WWOX: variants seen among roughly 807,000 people sequenced by gnomAD.
The protein encoded by WWOX is WW domain containing oxidoreductase.
A neutral mutation model predicts 46.2 loss-of-function variants in WWOX; 69 were observed. The ratio of observed to expected loss-of-function variants is 1.49; its 90% CI spans 1.23 to 1.82. WWOX has a LOEUF of 1.82. Ranked by LOEUF, WWOX falls within the 40% of genes most tolerant of loss-of-function variation. WWOX has a pLI of 0.00. For synonymous variants in WWOX, 359 were observed against 202.6 expected, an observed-to-expected ratio of 1.77 and a Z score of -6.56; for missense variants, 919 against 542.6, an observed-to-expected ratio of 1.69 and a Z score of -6.89.
chr16:78,491,054 T>C (rs2084773526), intron 8 of WWOX, among the ~76,000 whole-genome samples: 1 of 152,200 alleles, frequency 6.6e-6, no homozygotes, highest in Admixed American at 6.5e-5. Context: ...CAAAGTGAAC[T>C]GAGCTCACCA....
At chr16:78,902,402 T>G (rs936810342) in intron 8 of WWOX, among the ~76,000 whole-genome samples, 1 of 152,236 alleles carries the variant, frequency 6.6e-6, no homozygotes, top group African/African-American at 2.4e-5. Context: ...GGACGGTGAC[T>G]TTTTCTCTTG....
At chr16:78,138,621 A>G (rs2033880471) in intron 4 of WWOX, among the ~76,000 whole-genome samples, 1 of 152,186 alleles carries the variant, frequency 6.6e-6, no homozygotes, top group Non-Finnish European at 1.5e-5. Context: ...AGATTTTTTA[A>G]ATTCCTTATT....
intron 8 of WWOX, among the ~76,000 whole-genome samples, chr16:78,798,455 G>A (rs913913910): frequency 2.6e-5 from 4 of 152,056 alleles, no homozygotes; most frequent in Non-Finnish European, 4.4e-5. Flanking sequence ...TTAATATGCC[G>A]CTTTTTTGTT....
At chr16:78,603,184 T>G (rs561243331) in intron 8 of WWOX, among the ~76,000 whole-genome samples, 4 of 152,200 alleles carry the variant, frequency 2.6e-5, no homozygotes, top group Non-Finnish European at 4.4e-5. Flanking sequence ...TTCTAACAGC[T>G]TCTCTGCCAC....
In WWOX at chr16:79,156,060, C is replaced by T. The variant is rs536943508; in HGVS notation, c.1057-55548C>T. Among the ~76,000 whole-genome samples the T allele has an allele frequency of 4.6e-5, 7 of 152,170 alleles. No individual in the cohort carries two copies. In the South Asian group the frequency reaches 1.5e-3, roughly 32 times the overall value. On this transcript the variant is annotated intron_variant, in intron 8 of 8. Transcript: ENST00000566780. ...ATTTCCAGGAAATCAGACAGGTCAC[C>T]ACCACCTCTTCAACGACTGGAATTT...
At chr16:78,156,930 C>CA (rs1567603741) in intron 4 of WWOX, among the ~76,000 whole-genome samples, 1 of 152,132 alleles carries the variant, frequency 6.6e-6, no homozygotes, top group African/African-American at 2.4e-5. Flanking sequence ...GACTCTGTCT[C>CA]AGTCAGTCAA....
intron 5 of WWOX, among the ~76,000 whole-genome samples, chr16:78,193,951 C>G (rs1413390516): frequency 6.6e-6 from 1 of 151,320 alleles, no homozygotes; most frequent in Non-Finnish European, 1.5e-5. Context: ...GATCTCGGCT[C>G]ACTGCAAGCT....
intron 5 of WWOX, among the ~76,000 whole-genome samples, chr16:78,276,431 T>A (rs915645032): frequency 6.6e-6 from 1 of 152,210 alleles, no homozygotes; most frequent in African/African-American, 2.4e-5. Context: ...AGGCACTGTG[T>A]GTCCACAGCG....
intron 8 of WWOX, among the ~76,000 whole-genome samples, chr16:78,516,965 C>T (rs1365100144): frequency 6.6e-6 from 1 of 152,010 alleles, no homozygotes; most frequent in South Asian, 2.1e-4. Flanking sequence ...GTCTGTTTCC[C>T]GAGAAATCAT....
At chr16:79,111,544 A>G (rs1414072906) in intron 8 of WWOX, among the ~76,000 whole-genome samples, 2 of 152,124 alleles carry the variant, frequency 1.3e-5, no homozygotes, top group Non-Finnish European at 2.9e-5. Context: ...CACTTTTTTT[A>G]TGTACTCTTT....
chr16:79,168,830 C>T (rs1312614875), intron 8 of WWOX, among the ~76,000 whole-genome samples: 2 of 152,156 alleles, frequency 1.3e-5, no homozygotes, highest in Admixed American at 1.3e-4. Flanking sequence ...AATTCACTCT[C>T]TCCACACCTC....
chr16:78,103,969 G>A (rs78215159), intron 1 of WWOX, among the ~76,000 whole-genome samples: 2,162 of 152,136 alleles, frequency 0.014, 59 homozygotes, highest in African/African-American at 0.049. Flanking sequence ...GGGTGAGGTC[G>A]AGGTAGACCG....
rs752318131 is a variant in WWOX at position 79,106,582 on chromosome 16, A to ATTTTT, written c.1057-104997_1057-104993dup. The ATTTTT allele has an allele frequency of 2.5e-3, 199 of 79,516 alleles. 5 individuals carry two copies. Among genetic ancestry groups the ATTTTT allele is most frequent in the Non-Finnish European group, 3.5e-3 (153 of 44,100 alleles). The allele number at this position is 79,516 out of a possible 1,614,324, so 4.9% of individuals were successfully genotyped here. A position where few individuals can be genotyped will look rare whatever the true frequency, so the allele number is the denominator to read the frequency against. On this transcript the variant is annotated intron_variant, in intron 8 of 8. Transcript: ENST00000566780. ...CCTAAAATGACTCTTTCTTAAAATA[A>ATTTTT]TTTTTTTTTTTTTTTTTTTTTTTTT...
intron 8 of WWOX, among the ~76,000 whole-genome samples, chr16:78,854,510 T>C (rs926957887): frequency 1.3e-5 from 2 of 152,344 alleles, no homozygotes; most frequent in Non-Finnish European, 1.5e-5. Flanking sequence ...ATCCCTCAAA[T>C]TGTAACACCC....
chr16:78,555,285 A>C (rs893104715), intron 8 of WWOX, among the ~76,000 whole-genome samples: 1 of 152,056 alleles, frequency 6.6e-6, no homozygotes, highest in African/African-American at 2.4e-5. Context: ...GCATTTTTCA[A>C]CCAAACTGAA....
chr16:78,849,315 A>C (rs917495117), intron 8 of WWOX, among the ~76,000 whole-genome samples: 2 of 152,134 alleles, frequency 1.3e-5, no homozygotes, highest in African/African-American at 4.8e-5. Flanking sequence ...TCATGCCTGT[A>C]ATCCCAGCAC....
chr16:78,717,696 T>A (rs2048596413), intron 8 of WWOX, among the ~76,000 whole-genome samples: 1 of 152,194 alleles, frequency 6.6e-6, no homozygotes, highest in Admixed American at 6.5e-5. Context: ...GGGCAAGACT[T>A]CATTGCTTCT....
chr16:78,648,055 T>G (rs140970380), intron 8 of WWOX, among the ~76,000 whole-genome samples: 1 of 152,336 alleles, frequency 6.6e-6, no homozygotes, highest in African/African-American at 2.4e-5. Context: ...CTTACTCTTA[T>G]TCACCCAGAA....
At chr16:78,929,771 A>T (rs982783) in intron 8 of WWOX, among the ~76,000 whole-genome samples, 82,403 of 151,976 alleles carry the variant, frequency 0.54, 23,036 homozygotes, top group Non-Finnish European at 0.61. Context: ...GGTCAGTCCA[A>T]GGTGACCAGA....
Sources: allele counts gnomAD v4.1 joint callset (sites outside exome capture counted in the v4.1 genomes callset), GRCh38; gene constraint gnomAD v4.1.1; transcripts MANE v1.5; gene names NCBI Gene and HGNC (gene_info 2026-07-23, HGNC 2026-07-21).